FBXL7: variants seen among roughly 807,000 people sequenced by gnomAD.
FBXL7 encodes the protein F-box/LRR-repeat protein 7.
In FBXL7, 12 loss-of-function variants were observed where a neutral mutation model predicts 38.3. The ratio of observed to expected loss-of-function variants is 0.31; its 90% CI spans 0.20 to 0.51. FBXL7 has a LOEUF of 0.51. Among genes scored for constraint, FBXL7 ranks in the 20% least tolerant of loss-of-function variants. FBXL7 has a pLI of 0.98. For synonymous variants in FBXL7, 297 were observed against 300.9 expected (o/e 0.99, Z 0.13); for missense variants, 567 against 676.4 (o/e 0.84, Z 1.79).
intron 2 of FBXL7, among the ~76,000 whole-genome samples, chr5:15,745,949 T>A (rs1175433371): frequency 6.6e-6 from 1 of 152,090 alleles, no homozygotes; most frequent in East Asian, 1.9e-4. Context: ...CAGGGAGAAA[T>A]AGCAGAAGGC....
At chr5:15,791,411 G>A (rs948031507) in intron 2 of FBXL7, among the ~76,000 whole-genome samples, 21 of 152,126 alleles carry the variant, frequency 1.4e-4, no homozygotes, top group Admixed American at 6.6e-5. Context: ...CCACTGTACG[G>A]CAGCTACATG....
chr5:15,788,183 G>A (rs1006145934), intron 2 of FBXL7, among the ~76,000 whole-genome samples: 1 of 152,116 alleles, frequency 6.6e-6, no homozygotes, highest in African/African-American at 2.4e-5. Flanking sequence ...AATGGAGTAT[G>A]TCCTCATCTC....
intron 2 of FBXL7, among the ~76,000 whole-genome samples, chr5:15,617,525 G>A (rs1398742856): frequency 1.3e-5 from 2 of 151,940 alleles, no homozygotes; most frequent in Non-Finnish European, 2.9e-5. Context: ...GCCGTGGCAC[G>A]ATCTTTGCTC....
chr5:15,637,357 T>G (rs562699134), intron 2 of FBXL7, among the ~76,000 whole-genome samples: 1 of 152,018 alleles, frequency 6.6e-6, no homozygotes, highest in Admixed American at 6.6e-5. Context: ...TAGGAGGAAA[T>G]CACAAATGAT....
intron 2 of FBXL7, among the ~76,000 whole-genome samples, chr5:15,772,885 A>C (rs11743507): frequency 0.048 from 7,156 of 150,020 alleles, 290 homozygotes; most frequent in Admixed American, 0.11. Context: ...CAGAGCTATG[A>C]AAATTGTGAG....
chr5:15,809,120 T>TA (rs1157412881), intron 2 of FBXL7, among the ~76,000 whole-genome samples: 1 of 151,416 alleles, frequency 6.6e-6, no homozygotes, highest in African/African-American at 2.4e-5. Flanking sequence ...TTGCTAAACC[T>TA]AAAAAAAAAG....
intron 2 of FBXL7, among the ~76,000 whole-genome samples, chr5:15,782,974 T>C (rs1737037578): frequency 6.6e-6 from 1 of 152,028 alleles, no homozygotes; most frequent in Non-Finnish European, 1.5e-5. Flanking sequence ...AAATATAAAG[T>C]GACACCAAAC....
At chr5:15,900,540 A>T (rs1302038206) in intron 2 of FBXL7, among the ~76,000 whole-genome samples, 1 of 152,182 alleles carries the variant, frequency 6.6e-6, no homozygotes, top group Non-Finnish European at 1.5e-5. Context: ...TTTCTCAATG[A>T]AATTCTTTAT....
At chr5:15,609,517 T>C (rs966275712) in intron 1 of FBXL7, among the ~76,000 whole-genome samples, 1 of 152,204 alleles carries the variant, frequency 6.6e-6, no homozygotes, top group Admixed American at 6.5e-5. Context: ...TGTGCCAGTG[T>C]TTCTTATTGT....
chr5:15,527,382 T>C (rs1737281665), intron 1 of FBXL7, among the ~76,000 whole-genome samples: 2 of 152,180 alleles, frequency 1.3e-5, no homozygotes, highest in South Asian at 4.1e-4. Flanking sequence ...GCTTGACAAA[T>C]GTTAAAATAT....
intron 1 of FBXL7, among the ~76,000 whole-genome samples, chr5:15,597,467 A>T (rs546190786): frequency 6.6e-6 from 1 of 151,468 alleles, no homozygotes; most frequent in Non-Finnish European, 1.5e-5. Flanking sequence ...ATATATGTGA[A>T]AATATCTCTC....
At chr5:15,570,059 G>C (rs1314437597) in intron 1 of FBXL7, among the ~76,000 whole-genome samples, 1 of 152,008 alleles carries the variant, frequency 6.6e-6, no homozygotes, top group African/African-American at 2.4e-5. Context: ...CTCTTTTTTT[G>C]TTGTGTCTCT....
chr5:15,626,339 C>A (rs1299546639), intron 2 of FBXL7, among the ~76,000 whole-genome samples: 1 of 152,142 alleles, frequency 6.6e-6, no homozygotes, highest in Non-Finnish European at 1.5e-5. Context: ...GTCAAATTTG[C>A]ATCCAAGAAT....
chr5:15,897,815 C>A (rs879380516), intron 2 of FBXL7, among the ~76,000 whole-genome samples: 1 of 151,840 alleles, frequency 6.6e-6, no homozygotes, highest in Non-Finnish European at 1.5e-5. Context: ...CAAGATGTTG[C>A]GTAAGGGATC....
At chr5:15,917,197 T>C (rs1741606207) in intron 2 of FBXL7, among the ~76,000 whole-genome samples, 2 of 152,232 alleles carry the variant, frequency 1.3e-5, no homozygotes, top group African/African-American at 4.8e-5. Flanking sequence ...TCATGATTTT[T>C]TCCATATATG....
intron 2 of FBXL7, among the ~76,000 whole-genome samples, chr5:15,873,700 C>G (rs747253840): frequency 6.6e-6 from 1 of 152,110 alleles, no homozygotes. Flanking sequence ...CATACGCCCT[C>G]CCAAGACTAA....
At chr5:15,899,318 G>A (rs867651492) in intron 2 of FBXL7, among the ~76,000 whole-genome samples, 21 of 152,058 alleles carry the variant, frequency 1.4e-4, no homozygotes, top group Non-Finnish European at 1.8e-4. Flanking sequence ...CGCCTGCCTC[G>A]GCCTCCCAAT....
intron 2 of FBXL7, among the ~76,000 whole-genome samples, chr5:15,809,119 C>T (rs955623446): frequency 6.6e-6 from 1 of 152,006 alleles, no homozygotes; most frequent in Admixed American, 6.5e-5. Context: ...GTTGCTAAAC[C>T]TAAAAAAAAA....
rs1736467424 is a variant in FBXL7 at position 15,500,758 on chromosome 5, T to TCCCCTTTCCCTCGCCCTCCC, written c.37+46_37+65dup. 3 of 1,590,958 alleles carry TCCCCTTTCCCTCGCCCTCCC rather than the reference T, an allele frequency of 1.9e-6. No homozygotes were observed. The African/African-American group carries it at 4.1e-5, about 22-fold the overall frequency. On this transcript the variant is annotated intron_variant, in intron 1 of 3. Coordinates refer to ENST00000504595, the MANE Select transcript of FBXL7 (RefSeq NM_012304.5). The stretch of plus-strand genomic sequence containing the variant: ...TCAGACTCCCGGATCGCGTCCCTCC[T>TCCCCTTTCCCTCGCCCTCCC]CCCCTTTCCCTCGCCCTCCCGACTG...
Sources: allele counts gnomAD v4.1 joint callset (sites outside exome capture counted in the v4.1 genomes callset), GRCh38; gene constraint gnomAD v4.1.1; transcripts MANE v1.5; gene names NCBI Gene and HGNC (gene_info 2026-07-23, HGNC 2026-07-21).